Variants in HCK observed in about 807,000 individuals in gnomAD.
HCK encodes HCK proto-oncogene, Src family tyrosine kinase.
HCK carries 40 observed loss-of-function variants against 70.4 expected under a neutral mutation model. That is an observed-to-expected ratio of 0.57 (90% CI 0.44 to 0.74). The LOEUF (loss-of-function observed/expected upper bound fraction) is 0.74. Ranked by LOEUF, HCK falls within the 30% of genes least tolerant of loss-of-function variation. HCK has a pLI of 0.00. For synonymous variants in HCK, 245 were observed against 263.2 expected, an observed-to-expected ratio of 0.93 and a Z score of 0.67; for missense variants, 568 against 697.2, an observed-to-expected ratio of 0.81 and a Z score of 2.09.
chr20:32,066,344 C>G (rs1455214333), intron 1 of HCK, among the ~76,000 whole-genome samples: 2 of 89,684 alleles, frequency 2.2e-5, no homozygotes, highest in South Asian at 4.1e-4. Context: ...CAGAGTCTTG[C>G]TCTGTTTCCC....
At chr20:32,076,749 C>G (rs2045631887) in intron 5 of HCK, among the ~76,000 whole-genome samples, 1 of 152,140 alleles carries the variant, frequency 6.6e-6, no homozygotes, top group Non-Finnish European at 1.5e-5. Flanking sequence ...GCAGCTGCTG[C>G]TGCTGCTGCT....
At chr20:32,059,561 GC>G (rs1224692467) in intron 1 of HCK, among the ~76,000 whole-genome samples, 1 of 149,646 alleles carries the variant, frequency 6.7e-6, no homozygotes, top group Non-Finnish European at 1.5e-5. Flanking sequence ...TGTCTCCCAG[GC>G]TGGAGTGCAG....
At chr20:32,073,238 G>C in intron 2 of HCK, 81 bp from the exon 3 acceptor site, 1 of 1,175,598 alleles carries the variant, frequency 8.5e-7, no homozygotes, top group South Asian at 1.3e-5. Context: ...GATGCTCTTG[G>C]GTGTCCTTCT....
In HCK at chr20:32,079,816, A is replaced by G; in HGVS notation, c.471A>G (p.Gln157=). ...TCAGCCGGAAGGACGCAGAGCGCCA[A>G]CTGCTGGCTCCCGGCAACATGCTGG... The change falls in exon 6 of 13, where the codon CAA becomes CAG. Residue 157 remains glutamine (Q), a synonymous_variant. Coordinates refer to ENST00000375852, the MANE Select transcript of HCK (RefSeq NM_002110.5). The G allele has an allele frequency of 6.2e-7, 1 of 1,614,186 alleles. No individual in the cohort carries two copies. Among genetic ancestry groups the G allele is most frequent in the South Asian group, 1.1e-5 (1 of 91,082 alleles).
intron 1 of HCK, among the ~76,000 whole-genome samples, chr20:32,065,690 C>T (rs954839432): frequency 6.6e-6 from 1 of 152,144 alleles, no homozygotes; most frequent in Non-Finnish European, 1.5e-5. Context: ...GACGTATATG[C>T]CTACAACTGA....
At chr20:32,090,484 A>G (rs1460893634) in intron 10 of HCK, among the ~76,000 whole-genome samples, 1 of 152,192 alleles carries the variant, frequency 6.6e-6, no homozygotes, top group East Asian at 1.9e-4. Flanking sequence ...CTGCATATAT[A>G]CAAACAGGTC....
At chr20:32,073,431 C>G in intron 3 of HCK, 70 bp downstream of exon 3, 1 of 1,353,300 alleles carries the variant, frequency 7.4e-7, no homozygotes, top group Non-Finnish European at 1.0e-6. Flanking sequence ...TCTCCCTTAG[C>G]TTGAGGCATA....
chr20:32,065,512 C>G (rs908460849), intron 1 of HCK, among the ~76,000 whole-genome samples: 2 of 152,184 alleles, frequency 1.3e-5, no homozygotes, highest in Non-Finnish European at 2.9e-5. Context: ...TACCTCAGCT[C>G]TGTTGTCCTC....
chr20:32,063,137 A>C (rs116591956), intron 1 of HCK, among the ~76,000 whole-genome samples: 1,630 of 152,302 alleles, frequency 0.011, 38 homozygotes, highest in African/African-American at 0.038. Flanking sequence ...CCATTTCCCT[A>C]TCTGAAAAAT....
intron 5 of HCK, among the ~76,000 whole-genome samples, chr20:32,075,128 G>A (rs1475860264): frequency 2.6e-5 from 4 of 152,152 alleles, no homozygotes; most frequent in African/African-American, 7.2e-5. Context: ...TGAAGCACAC[G>A]GTCTTGCCAA....
At chr20:32,098,016 A>G (rs910144690) in intron 11 of HCK, among the ~76,000 whole-genome samples, 1 of 150,304 alleles carries the variant, frequency 6.7e-6, no homozygotes, top group Non-Finnish European at 1.5e-5. Context: ...TGTCTCTACA[A>G]ATTTTTCTAT....
At chr20:32,066,302 A>C (rs533326848) in intron 1 of HCK, among the ~76,000 whole-genome samples, 105 of 57,774 alleles carry the variant, frequency 1.8e-3, no homozygotes, top group Middle Eastern at 0.01. Context: ...CCCTCCAGTG[A>C]CTTTTTTTTT....
At chr20:32,099,239 C>A in intron 12 of HCK, 104 bp downstream of exon 12, 2 of 1,232,444 alleles carry the variant, frequency 1.6e-6, no homozygotes, top group Non-Finnish European at 1.2e-6. Flanking sequence ...TCCTCACCCC[C>A]AACCTTCCCT....
At position 32,101,761 on chromosome 20, in the gene HCK, G is replaced by T; in HGVS notation, c.*242G>T. The stretch of plus-strand genomic sequence containing the variant: ...GATATTTCTATTTCCTGGAATGGTT[G>T]GATTTTAGTTACAGCTGTGATTTGG... On this transcript the variant is annotated 3_prime_UTR_variant, in exon 13 of 13. Coordinates refer to ENST00000375852, the MANE Select transcript of HCK (RefSeq NM_002110.5). The T allele has an allele frequency of 2.4e-6, 1 of 412,354 alleles. No homozygotes were observed. The highest frequency in any genetic ancestry group is 5.8e-5 in the South Asian group (1 of 17,356). The allele number at this position is 412,354 out of a possible 1,614,324, so 25.5% of individuals were successfully genotyped here.
intron 1 of HCK, among the ~76,000 whole-genome samples, chr20:32,068,017 C>T (rs568825485): frequency 6.6e-6 from 1 of 151,972 alleles, no homozygotes; most frequent in Non-Finnish European, 1.5e-5. Flanking sequence ...GAAAAATAGG[C>T]CAGGCGCAGT....
intron 12 of HCK, 35 bp from the exon 13 acceptor site, chr20:32,101,282 C>T (rs1569019996): frequency 6.2e-7 from 1 of 1,601,852 alleles, no homozygotes; most frequent in East Asian, 2.2e-5. Flanking sequence ...CATTTCCCAA[C>T]TGCTTCCGTT....
intron 6 of HCK, among the ~76,000 whole-genome samples, chr20:32,081,259 A>G (rs2045705941): frequency 6.6e-6 from 1 of 152,178 alleles, no homozygotes; most frequent in African/African-American, 2.4e-5. Context: ...GGAAGTTTTA[A>G]TGTCAGGTGA....
intron 5 of HCK, among the ~76,000 whole-genome samples, chr20:32,077,506 T>G (rs2045644217): frequency 7.5e-6 from 1 of 133,172 alleles, no homozygotes; most frequent in Non-Finnish European, 1.5e-5. Context: ...TGCAGCACCT[T>G]GTTCCTGTTT....
chr20:32,084,643 C>G, intron 8 of HCK, 100 bp downstream of exon 8: 4 of 1,089,024 alleles, frequency 3.7e-6, no homozygotes, highest in Non-Finnish European at 5.3e-6. Context: ...GAATGCTACC[C>G]AAGGCAGAGG....
Sources: gnomAD v4.1 joint callset for allele counts (sites outside exome capture counted in the v4.1 genomes callset) on GRCh38, gnomAD v4.1.1 for gene constraint, MANE v1.5 for transcripts, NCBI Gene and HGNC (gene_info 2026-07-23, HGNC 2026-07-21) for gene names.